PLCG2: variants seen among roughly 807,000 people sequenced by gnomAD.
The protein encoded by PLCG2 is phospholipase C gamma 2, also known as 1-phosphatidylinositol 4,5-bisphosphate phosphodiesterase gamma-2.
PLCG2 carries 69 observed loss-of-function variants against 175.6 expected under a neutral mutation model. The observed-to-expected ratio is 0.39, with a 90% confidence interval of 0.32 to 0.48. The LOEUF (loss-of-function observed/expected upper bound fraction) is 0.48, where lower values mean the gene tolerates loss of function less well. Ranked by LOEUF, PLCG2 falls within the 20% of genes least tolerant of loss-of-function variation. The pLI is 0.91. For missense variants in PLCG2, 1,798 were observed against 1,650.9 expected (o/e 1.09, Z -1.54); for synonymous variants, 827 against 624.0 (o/e 1.33, Z -4.85).
intron 1 of PLCG2, among the ~76,000 whole-genome samples, chr16:81,784,619 C>T (rs1223308235): frequency 3.3e-5 from 5 of 152,166 alleles, no homozygotes; most frequent in Non-Finnish European, 7.4e-5. Context: ...AGATAAGAAA[C>T]AGAACAAATA....
At chr16:81,946,808 T>G (rs1325715647) in intron 31 of PLCG2, among the ~76,000 whole-genome samples, 1 of 152,014 alleles carries the variant, frequency 6.6e-6, no homozygotes, top group Non-Finnish European at 1.5e-5. Context: ...ATAGAATTAG[T>G]GGGATCAATT....
chr16:81,786,137 C>T lies in PLCG2; in HGVS notation c.148C>T (p.Arg50Trp), dbSNP rs770951220. 14 of 1,614,064 alleles carry T rather than the reference C, an allele frequency of 8.7e-6. No individual in the cohort carries two copies. Among genetic ancestry groups the T allele is most frequent in the Admixed American group, 5.0e-5 (3 of 59,996 alleles). Residue 50 changes from arginine to tryptophan, a missense_variant, in exon 2 of 33, where the codon CGG becomes TGG. Transcript: ENST00000564138. ...RRTVQVIMET[R>W]QVAWSKTADK... ...AACCGTCCAGGTGATCATGGAGACG[C>T]GGCAGGTGGCCTGGAGCAAGACCGC... is the stretch of plus-strand genomic sequence containing the variant.
chr16:81,740,113 G>A (rs1487837580), intron 1 of PLCG2: 4 of 140,524 alleles, frequency 2.8e-5, no homozygotes, highest in African/African-American at 1.0e-4. Flanking sequence ...ATACCAGCCT[G>A]GGTAACAAAG....
chr16:81,861,580 C>G (rs1906983092), intron 5 of PLCG2, among the ~76,000 whole-genome samples: 1 of 152,256 alleles, frequency 6.6e-6, no homozygotes, highest in Non-Finnish European at 1.5e-5. Flanking sequence ...GGGCCACCCT[C>G]TCGTGTTACT....
chr16:81,936,067 T>G, intron 26 of PLCG2, 102 bp from the exon 27 acceptor site: 1 of 1,504,174 alleles, frequency 6.6e-7, no homozygotes, highest in South Asian at 1.3e-5. Flanking sequence ...GGGAGATTCC[T>G]GGTTTCCTTT....
intron 2 of PLCG2, among the ~76,000 whole-genome samples, chr16:81,762,510 A>T (rs1367975007): frequency 6.6e-6 from 1 of 152,092 alleles, no homozygotes; most frequent in South Asian, 2.1e-4. Context: ...TGGAGGTTAC[A>T]GTGAGCCAAG....
At chr16:81,775,198 G>A (rs1290929652), upstream of PLCG2, among the ~76,000 whole-genome samples, 7 of 152,180 alleles carry the variant, frequency 4.6e-5, no homozygotes, top group Admixed American at 4.6e-4. Context: ...TCATCCCAAA[G>A]AGCAGCCCTG....
chr16:81,810,593 C>G (rs1904309315), intron 2 of PLCG2, among the ~76,000 whole-genome samples: 1 of 151,752 alleles, frequency 6.6e-6, no homozygotes, highest in South Asian at 2.1e-4. Context: ...TTTTTGCAAA[C>G]AGGTGTCCTT....
chr16:81,877,305 A>C (rs1173789913), intron 7 of PLCG2, among the ~76,000 whole-genome samples: 3 of 152,126 alleles, frequency 2.0e-5, no homozygotes, highest in African/African-American at 7.2e-5. Context: ...ATACAAAAAA[A>C]ATTAGCTGGG....
intron 2 of PLCG2, among the ~76,000 whole-genome samples, chr16:81,823,186 G>C (rs531391376): frequency 1.3e-5 from 2 of 152,354 alleles, no homozygotes; most frequent in South Asian, 4.1e-4. Flanking sequence ...CTTCTGATCT[G>C]GATGGATTGT....
intron 19 of PLCG2, among the ~76,000 whole-genome samples, chr16:81,913,558 C>T (rs1159250002): frequency 1.3e-5 from 2 of 152,230 alleles, no homozygotes; most frequent in Non-Finnish European, 2.9e-5. Context: ...TAGCCAGAGG[C>T]CTGGGGGCCA....
At chr16:81,915,273 G>A (rs1330799206) in intron 19 of PLCG2, among the ~76,000 whole-genome samples, 7 of 152,182 alleles carry the variant, frequency 4.6e-5, no homozygotes. Flanking sequence ...TATTTGTAAA[G>A]TGCCTCTCCT....
In PLCG2 at chr16:81,940,458, G is replaced by GGC. The variant is rs1555522915; in HGVS notation, c.3481+400_3481+401insCG. ...GCAAGGGAGAGACCTTTGGCATCTT[G>GGC]GGGGGGGAGTAACAATCTCGAGGGT... On this transcript the variant is annotated intron_variant, in intron 30 of 32. Coordinates refer to ENST00000564138, the MANE Select transcript of PLCG2 (RefSeq NM_002661.5). Among the ~76,000 whole-genome samples the GGC allele has an allele frequency of 5.6e-5, 7 of 124,228 alleles. No individual in the cohort carries two copies. The East Asian group carries it at 8.1e-4, about 14-fold the overall frequency. 81.5% of individuals were successfully genotyped at this position (124,228 alleles called of 152,430 possible). A position where few individuals can be genotyped will look rare whatever the true frequency, so the allele number is the denominator to read the frequency against.
chr16:81,910,394 T>C (rs772432871), intron 17 of PLCG2, 126 bp from the exon 18 acceptor site: 154 of 820,124 alleles, frequency 1.9e-4, no homozygotes, highest in Middle Eastern at 3.1e-4. Context: ...CCCAGCCTCC[T>C]GTGTCTGTTC....
chr16:81,955,698 T>G (rs1002193000), intron 31 of PLCG2, among the ~76,000 whole-genome samples: 6 of 152,178 alleles, frequency 3.9e-5, no homozygotes, highest in African/African-American at 1.4e-4. Context: ...ACTTACTCTT[T>G]CAGCTGATCC....
intron 2 of PLCG2, among the ~76,000 whole-genome samples, chr16:81,830,211 T>C (rs1905205652): frequency 6.6e-6 from 1 of 152,084 alleles, no homozygotes; most frequent in Admixed American, 6.6e-5. Flanking sequence ...TCCCAGCTAC[T>C]TAGGAGTCTG....
rs866368353 is a variant in PLCG2, at chr16:81,887,118, G to T, written c.766-2054G>T. On this transcript the variant is annotated intron_variant, in intron 9 of 32. Transcript: ENST00000564138. ...TGGGACATCTTGGCCAGGCAAAGTT[G>T]TTTTTTTTTTTTTTCTTTTGAGATG... 1.1e-3 allele frequency among the ~76,000 whole-genome samples: 156 copies of T among 141,610 alleles called. 2 individuals are homozygous for T. The highest frequency in any genetic ancestry group is 3.7e-3 in the Middle Eastern group (1 of 272). 92.9% of individuals were successfully genotyped at this position (141,610 alleles called of 152,430 possible).
At chr16:81,884,893 T>C (rs945080877) in intron 9 of PLCG2, among the ~76,000 whole-genome samples, 2 of 152,136 alleles carry the variant, frequency 1.3e-5, no homozygotes, top group African/African-American at 4.8e-5. Flanking sequence ...TGCAATTTTT[T>C]TTTTGTTTGA....
intron 2 of PLCG2, among the ~76,000 whole-genome samples, chr16:81,771,139 C>T (rs914162025): frequency 2.0e-5 from 3 of 152,114 alleles, no homozygotes; most frequent in South Asian, 4.1e-4. Context: ...AAGTGACTAA[C>T]CCATGTGACC....
Sources: gnomAD v4.1 joint callset for allele counts (sites outside exome capture counted in the v4.1 genomes callset) on GRCh38, gnomAD v4.1.1 for gene constraint, MANE v1.5 for transcripts, NCBI Gene and HGNC (gene_info 2026-07-23, HGNC 2026-07-21) for gene names.